The following RIMBP2 variants were observed in gnomAD, a reference collection of about 807,000 sequenced individuals.
RIMBP2 encodes RIMS-binding protein 2.
In RIMBP2, 48 loss-of-function variants were observed where a neutral mutation model predicts 118.6. That is an observed-to-expected ratio of 0.40 (90% CI 0.32 to 0.51). RIMBP2 has a LOEUF of 0.51. RIMBP2 is among the 20% of genes least tolerant of loss of function. RIMBP2 has a pLI of 0.41. For missense variants in RIMBP2, 1,551 were observed against 1,768.3 expected (o/e 0.88, Z 2.20); for synonymous variants, 762 against 742.9 (o/e 1.03, Z -0.42).
At chr12:130,545,420 C>CAT (rs10648947) in intron 2 of RIMBP2, among the ~76,000 whole-genome samples, 126,210 of 152,116 alleles carry the variant, frequency 0.83, 52,459 homozygotes, top group East Asian at 0.96. Flanking sequence ...TAAATTATAA[C>CAT]ATTATAAAAT....
intron 7 of RIMBP2, among the ~76,000 whole-genome samples, chr12:130,451,975 T>C (rs2079043482): frequency 6.6e-6 from 1 of 152,188 alleles, no homozygotes; most frequent in African/African-American, 2.4e-5. Flanking sequence ...GCTGAAATAG[T>C]TCTTATCCCG....
chr12:130,559,551 T>C (rs188651377), intron 2 of RIMBP2, among the ~76,000 whole-genome samples: 1 of 152,216 alleles, frequency 6.6e-6, no homozygotes, highest in South Asian at 2.1e-4. Context: ...CATTTCTTTA[T>C]CCTTATATCC....
Position 130,529,335 on chromosome 12 carries a change from A to T in RIMBP2, c.-216-11418T>A, listed in dbSNP as rs979456480. On this transcript the variant is annotated intron_variant, in intron 2 of 22. Transcript: ENST00000690449. ...CACGCTACAACAGGGATGAACCTCA[A>T]AAACATCACACTAGGTAGACAAAGC... Among the ~76,000 whole-genome samples the T allele has an allele frequency of 4.6e-5, 7 of 152,350 alleles. No individual in the cohort carries two copies. The East Asian group carries it at 1.3e-3, about 29-fold the overall frequency.
In RIMBP2 at chr12:130,646,435, C is replaced by T. The variant is rs1382045668; in HGVS notation, c.-351-17979G>A. Among the ~76,000 whole-genome samples the T allele has an allele frequency of 1.8e-4, 23 of 126,110 alleles. 2 individuals carry two copies. Among genetic ancestry groups the T allele is most frequent in the Non-Finnish European group, 3.1e-4 (17 of 55,214 alleles). 82.7% of individuals were successfully genotyped at this position (126,110 alleles called of 152,430 possible). On this transcript the variant is annotated intron_variant, in intron 1 of 22. Coordinates refer to ENST00000690449, the MANE Select transcript of RIMBP2 (RefSeq NM_001393629.1). ...CCTCCCTCACCACTTCCCTCTCCACCTCCCTTGCCACCTCCCTCGCCACCT... is the reference window on the plus strand; with the variant it reads ...CCTCCCTCACCACTTCCCTCTCCACTTCCCTTGCCACCTCCCTCGCCACCT...
At chr12:130,634,835 G>C (rs2062246068) in intron 1 of RIMBP2, among the ~76,000 whole-genome samples, 1 of 152,154 alleles carries the variant, frequency 6.6e-6, no homozygotes, top group Non-Finnish European at 1.5e-5. Flanking sequence ...CTGAGCTCAA[G>C]TAATCCACCT....
rs1181591775 is a variant in RIMBP2 at position 130,396,425 on chromosome 12, C to G, written c.*936G>C. On this transcript the variant is annotated 3_prime_UTR_variant, in exon 23 of 23. Transcript: ENST00000690449. Reference sequence around the variant, plus strand: ...ACAAAAGAGTAACCATCAAATACATCTGCCAGCAACTTTGTAAGTAAGTCT... The same window carrying G: ...ACAAAAGAGTAACCATCAAATACATGTGCCAGCAACTTTGTAAGTAAGTCT... 6.6e-6 allele frequency: 1 copy of G among 152,646 alleles called. No homozygotes were observed. Among genetic ancestry groups the G allele is most frequent in the Non-Finnish European group, 1.5e-5 (1 of 68,056 alleles). 9.5% of individuals were successfully genotyped at this position (152,646 alleles called of 1,614,324 possible). A position where few individuals can be genotyped will look rare whatever the true frequency, so the allele number is the denominator to read the frequency against.
chr12:130,589,508 G>A (rs1439475870), intron 2 of RIMBP2, among the ~76,000 whole-genome samples: 2 of 152,162 alleles, frequency 1.3e-5, no homozygotes, highest in African/African-American at 2.4e-5. Flanking sequence ...GCCCCAGGAC[G>A]AGATGAAGGC....
intron 2 of RIMBP2, among the ~76,000 whole-genome samples, chr12:130,601,393 C>T (rs1232325524): frequency 7.2e-6 from 1 of 137,966 alleles, no homozygotes; most frequent in Non-Finnish European, 1.5e-5. Flanking sequence ...TTATCTTTTA[C>T]TTCTTGTTGG....
rs745698471 is a variant in RIMBP2, at chr12:130,428,167, C to G, written c.2412+12G>C. Reference sequence around the variant, plus strand: ...GGACGGAGTGCAGGGTCCCCCTTCCCCAGCCACTCACCTTGAGGGCATTGT... The same window carrying G: ...GGACGGAGTGCAGGGTCCCCCTTCCGCAGCCACTCACCTTGAGGGCATTGT... On this transcript the variant is annotated intron_variant, in intron 15 of 22. Coordinates refer to ENST00000690449, the MANE Select transcript of RIMBP2 (RefSeq NM_001393629.1). 1.3e-6 allele frequency: 2 copies of G among 1,583,358 alleles called. No homozygotes were observed. Among genetic ancestry groups the G allele is most frequent in the African/African-American group, 1.3e-5 (1 of 74,250 alleles).
At position 130,515,255 on chromosome 12, in the gene RIMBP2, G is replaced by T. The variant is rs969548805; in HGVS notation, c.-127+2573C>A. On this transcript the variant is annotated intron_variant, in intron 3 of 22. Transcript: ENST00000690449. ...ACCATCTTAACTATTTTACATGTAG[G>T]TATTTCAGTGGCATTAAGGACATTC... Among the ~76,000 whole-genome samples, 5 of 152,128 alleles carry T rather than the reference G, an allele frequency of 3.3e-5. No homozygotes were observed. The East Asian group carries it at 7.7e-4, about 23-fold the overall frequency.
rs1249777611 is a variant in RIMBP2, at chr12:130,623,837, C to G, written c.-217+4485G>C. On this transcript the variant is annotated intron_variant, in intron 2 of 22. Transcript: ENST00000690449. This position sits in a 1 kb window ranked among gnomAD's most constrained non-coding sequence, Gnocchi z 4.1. Reference sequence around the variant, plus strand: ...TACCCCAGCTCCCTCATCCCTCAAGCAGATAATCCCACGGTGTACACCACA... The same window carrying G: ...TACCCCAGCTCCCTCATCCCTCAAGGAGATAATCCCACGGTGTACACCACA... 6.6e-6 allele frequency among the ~76,000 whole-genome samples: 1 copy of G among 152,174 alleles called. No individual in the cohort carries two copies. The highest frequency in any genetic ancestry group is 2.4e-5 in the African/African-American group (1 of 41,450).
At chr12:130,483,915 C>A (rs1397884386) in intron 4 of RIMBP2, among the ~76,000 whole-genome samples, 2 of 152,046 alleles carry the variant, frequency 1.3e-5, no homozygotes, top group Non-Finnish European at 2.9e-5. Context: ...AGACACGGTG[C>A]CCGGAGCCCC....
rs1409817809 is a variant in RIMBP2 at position 130,571,756 on chromosome 12, G to A, written c.-216-53839C>T. 3.9e-5 allele frequency among the ~76,000 whole-genome samples: 6 copies of A among 152,088 alleles called. No homozygotes were observed. The South Asian group carries it at 8.3e-4, about 21-fold the overall frequency. Reference sequence around the variant, plus strand: ...ACGGGAACCTCACTGTGGCCTCCAAGGCTGTTTGTATCTGGCCCCCATGGC... The same window carrying A: ...ACGGGAACCTCACTGTGGCCTCCAAAGCTGTTTGTATCTGGCCCCCATGGC... On this transcript the variant is annotated intron_variant, in intron 2 of 22. Transcript: ENST00000690449.
At chr12:130,616,705 G>A (rs2060960627) in intron 2 of RIMBP2, among the ~76,000 whole-genome samples, 1 of 152,198 alleles carries the variant, frequency 6.6e-6, no homozygotes, top group Non-Finnish European at 1.5e-5. Flanking sequence ...AGGGCTGGCA[G>A]GAAGACGTGA....
intron 1 of RIMBP2, among the ~76,000 whole-genome samples, chr12:130,691,724 A>G (rs2065315829): frequency 6.6e-6 from 1 of 152,208 alleles, no homozygotes; most frequent in Non-Finnish European, 1.5e-5. Context: ...CTTGGGGGAG[A>G]AAAACAGCCC....
At chr12:130,632,429 G>A (rs889079938) in intron 1 of RIMBP2, among the ~76,000 whole-genome samples, 2 of 152,120 alleles carry the variant, frequency 1.3e-5, no homozygotes, top group African/African-American at 4.8e-5. Context: ...GAAAAAATTG[G>A]GGGGTGGGGC....
At chr12:130,417,831 T>C (rs2076188110) in intron 17 of RIMBP2, among the ~76,000 whole-genome samples, 1 of 152,024 alleles carries the variant, frequency 6.6e-6, no homozygotes, top group Non-Finnish European at 1.5e-5. Context: ...TAGATAGATG[T>C]GTACATATGT....
chr12:130,499,128 G>A (rs1238106070), intron 4 of RIMBP2, among the ~76,000 whole-genome samples: 1 of 152,158 alleles, frequency 6.6e-6, no homozygotes, highest in African/African-American at 2.4e-5. Context: ...GAAGCAGGAG[G>A]GGCTACACAC....
At position 130,457,698 on chromosome 12, in the gene RIMBP2, C is replaced by T. The variant is rs151335008; in HGVS notation, c.154-998G>A. ...ATTCGTTTCTTGTCGGTGTCCACGG[C>T]TACACTCTCGGCCCCAAGCCTCTGC... On this transcript the variant is annotated intron_variant, in intron 6 of 22. Coordinates refer to ENST00000690449, the MANE Select transcript of RIMBP2 (RefSeq NM_001393629.1). Among the ~76,000 whole-genome samples, 4 of 152,346 alleles carry T rather than the reference C, an allele frequency of 2.6e-5. No homozygotes were observed. The East Asian group carries it at 7.7e-4, about 29-fold the overall frequency.
Sources: gnomAD v4.1 joint callset for allele counts (sites outside exome capture counted in the v4.1 genomes callset) on GRCh38, gnomAD v4.1.1 for gene constraint, Gnocchi (gnomAD v3.1) non-coding constraint, MANE v1.5 for transcripts, NCBI Gene and HGNC (gene_info 2026-07-23, HGNC 2026-07-21) for gene names.